Variants in LOC128706665 observed in about 807,000 individuals in gnomAD.
the LOC128706665 span, among the ~76,000 whole-genome samples, chr20:10,415,440 A>G: frequency 2.6e-5 from 4 of 152,210 alleles, no homozygotes; most frequent in South Asian, 8.3e-4. Context: ...ATTTAGCTAA[A>G]GGGCTGTAAC....
chr20:10,431,511 T>C, the LOC128706665 span, among the ~76,000 whole-genome samples: 1 of 149,268 alleles, frequency 6.7e-6, no homozygotes, highest in Non-Finnish European at 1.5e-5. Context: ...CATAACTCAA[T>C]GCTGTATAGG....
At chr20:10,416,885 T>C in the LOC128706665 span, among the ~76,000 whole-genome samples, 1 of 152,244 alleles carries the variant, frequency 6.6e-6, no homozygotes, top group Non-Finnish European at 1.5e-5. Flanking sequence ...GTACTGTGTA[T>C]GAGTGCTTTT....
At chr20:10,424,964 A>G in the LOC128706665 span, among the ~76,000 whole-genome samples, 1 of 151,952 alleles carries the variant, frequency 6.6e-6, no homozygotes, top group South Asian at 2.1e-4. Flanking sequence ...GAGGCAGAAG[A>G]ATCACTTGAA....
chr20:10,417,683 A>AT, the LOC128706665 span, among the ~76,000 whole-genome samples: 2 of 148,070 alleles, frequency 1.4e-5, 1 homozygote, highest in Non-Finnish European at 3.0e-5. Context: ...AAAAAAAAAA[A>AT]TCAACATCAT....
At chr20:10,416,156 T>TTGC in the LOC128706665 span, among the ~76,000 whole-genome samples, 1 of 111,808 alleles carries the variant, frequency 8.9e-6, no homozygotes, top group Non-Finnish European at 1.8e-5. Flanking sequence ...AGATGGGTTT[T>TTGC]TGTTGTTGTT....
chr20:10,420,914 A>G, the LOC128706665 span, among the ~76,000 whole-genome samples: 1 of 152,220 alleles, frequency 6.6e-6, no homozygotes, highest in Non-Finnish European at 1.5e-5. Context: ...TAATAAACAA[A>G]AAGAGACATG....
At chr20:10,433,517 G>A in the LOC128706665 span, among the ~76,000 whole-genome samples, 219 of 152,304 alleles carry the variant, frequency 1.4e-3, 6 homozygotes, top group East Asian at 0.038. Flanking sequence ...GAATGAAACC[G>A]TCATATTGAG....
the LOC128706665 span, among the ~76,000 whole-genome samples, chr20:10,431,479 T>C: frequency 1.3e-5 from 2 of 152,082 alleles, no homozygotes; most frequent in Non-Finnish European, 2.9e-5. Context: ...TTTGAGAAGA[T>C]AATGGGACAA....
chr20:10,428,061 A>C, the LOC128706665 span, among the ~76,000 whole-genome samples: 3 of 152,250 alleles, frequency 2.0e-5, no homozygotes, highest in African/African-American at 7.2e-5. Context: ...ATATACTGAA[A>C]GCATCATAAG....
At chr20:10,416,678 C>T in the LOC128706665 span, among the ~76,000 whole-genome samples, 6 of 152,238 alleles carry the variant, frequency 3.9e-5, no homozygotes, top group South Asian at 6.2e-4. Context: ...GAATAGTTGA[C>T]GATGGAAAGT....
At chr20:10,422,361 A>G in the LOC128706665 span, among the ~76,000 whole-genome samples, 1 of 152,166 alleles carries the variant, frequency 6.6e-6, no homozygotes, top group Non-Finnish European at 1.5e-5. Context: ...TTTTATTGAC[A>G]TGCTTATGTT....
At chr20:10,421,094 A>C in the LOC128706665 span, among the ~76,000 whole-genome samples, 1 of 151,718 alleles carries the variant, frequency 6.6e-6, no homozygotes, top group African/African-American at 2.4e-5. Context: ...TCTCTGAGCC[A>C]CAATAGAGTA....
chr20:10,415,241 T>C, the LOC128706665 span, among the ~76,000 whole-genome samples: 1 of 152,174 alleles, frequency 6.6e-6, no homozygotes, highest in Non-Finnish European at 1.5e-5. Flanking sequence ...TCCAGGAATA[T>C]GCTGAGTATG....
the LOC128706665 span, among the ~76,000 whole-genome samples, chr20:10,421,293 G>A: frequency 1.9e-4 from 29 of 151,746 alleles, no homozygotes; most frequent in Admixed American, 5.3e-4. Flanking sequence ...ATATGGTGGC[G>A]CATGCCTGTA....
chr20:10,414,158 T>C, the LOC128706665 span, among the ~76,000 whole-genome samples: 1 of 152,016 alleles, frequency 6.6e-6, no homozygotes. Context: ...AGTGATTCTG[T>C]AAGGCACAAC....
chr20:10,429,078 A>G, the LOC128706665 span, among the ~76,000 whole-genome samples: 2 of 152,102 alleles, frequency 1.3e-5, no homozygotes, highest in South Asian at 4.1e-4. Context: ...GCCCTTTACC[A>G]TCTTCCTTCC....
chr20:10,414,778 C>G, the LOC128706665 span, among the ~76,000 whole-genome samples: 2 of 152,086 alleles, frequency 1.3e-5, no homozygotes, highest in African/African-American at 4.8e-5. Flanking sequence ...CTATATTTAG[C>G]TGAATAATTC....
At chr20:10,417,328 T>C in the LOC128706665 span, among the ~76,000 whole-genome samples, 5 of 152,044 alleles carry the variant, frequency 3.3e-5, no homozygotes, top group Non-Finnish European at 7.4e-5. Context: ...TTAGCAACAC[T>C]GGCTAGACGC....
the LOC128706665 span, among the ~76,000 whole-genome samples, chr20:10,433,106 C>G: frequency 1.3e-5 from 2 of 152,230 alleles, no homozygotes; most frequent in Non-Finnish European, 2.9e-5. Flanking sequence ...AGGGCTCAAG[C>G]GATTCTCCTG....
Sources: gnomAD v4.1 joint callset for allele counts (sites outside exome capture counted in the v4.1 genomes callset) on GRCh38, gnomAD v4.1.1 for gene constraint, MANE v1.5 for transcripts.